The following SPSB4 variants were observed in gnomAD, a reference collection of about 807,000 sequenced individuals.
SPSB4 encodes the protein SPRY domain-containing SOCS box protein 4.
Under a neutral mutation model 20.9 loss-of-function variants are expected in SPSB4, and 21 were observed. The observed-to-expected ratio is 1.01, with a 90% CI of 0.71 to 1.45. The LOEUF (loss-of-function observed/expected upper bound fraction) is 1.45. Ranked by LOEUF, SPSB4 falls within the 40% of genes most tolerant of loss-of-function variation. SPSB4 has a pLI of 0.00. For missense variants in SPSB4, 399 were observed against 399.2 expected (o/e 1.00, Z 0.00); for synonymous variants, 207 against 183.8 (o/e 1.13, Z -1.02).
At chr3:141,070,397 A>G (rs554165986) in intron 2 of SPSB4, among the ~76,000 whole-genome samples, 1 of 152,104 alleles carries the variant, frequency 6.6e-6, no homozygotes, top group African/African-American at 2.4e-5. Flanking sequence ...CGGTTGTGCA[A>G]TCATTGCTCA....
At chr3:141,082,262 G>A (rs984103451) in intron 2 of SPSB4, among the ~76,000 whole-genome samples, 3 of 152,240 alleles carry the variant, frequency 2.0e-5, no homozygotes, top group African/African-American at 7.2e-5. Flanking sequence ...GGCTTTGCCA[G>A]GTCTCCCAGG....
At chr3:141,056,058 G>T (rs929723675) in intron 1 of SPSB4, among the ~76,000 whole-genome samples, 1 of 152,252 alleles carries the variant, frequency 6.6e-6, no homozygotes, top group East Asian at 1.9e-4. Context: ...GGACTTGGGG[G>T]TGCCCCATTG....
At chr3:141,101,257 T>C (rs1362089738) in intron 2 of SPSB4, among the ~76,000 whole-genome samples, 2 of 152,196 alleles carry the variant, frequency 1.3e-5, no homozygotes, top group Non-Finnish European at 2.9e-5. Flanking sequence ...TTTAGTGACC[T>C]GGCCAGAGTG....
intron 2 of SPSB4, among the ~76,000 whole-genome samples, chr3:141,089,659 G>A (rs896649541): frequency 2.6e-5 from 4 of 152,130 alleles, no homozygotes; most frequent in Admixed American, 6.5e-5. Context: ...TCAGATTTTC[G>A]CAGCCAGGCC....
chr3:141,064,797 G>A (rs1261232121), intron 1 of SPSB4, among the ~76,000 whole-genome samples: 1 of 152,220 alleles, frequency 6.6e-6, no homozygotes, highest in African/African-American at 2.4e-5. Flanking sequence ...CATACCCAGG[G>A]CCCGTCCAAG....
intron 2 of SPSB4, among the ~76,000 whole-genome samples, chr3:141,105,777 T>C (rs1311165811): frequency 6.6e-6 from 1 of 152,232 alleles, no homozygotes; most frequent in Non-Finnish European, 1.5e-5. Context: ...TTCTTTGCCT[T>C]CAAAGTTATA....
At position 141,066,056 on chromosome 3, in the gene SPSB4, T is replaced by C. The variant is rs999114930; in HGVS notation, c.-49T>C. The stretch of plus-strand genomic sequence containing the variant: ...ATTCCTGGCTACGGGGAGTGGAGGC[T>C]CCCACGAGGTAGCGGTGGCCTGCAG... On this transcript the variant is annotated 5_prime_UTR_variant, in exon 2 of 3. Coordinates refer to ENST00000310546, the MANE Select transcript of SPSB4 (RefSeq NM_080862.3). The C allele has an allele frequency of 1.7e-5, 24 of 1,429,792 alleles. No homozygotes were observed. Among genetic ancestry groups the C allele is most frequent in the Non-Finnish European group, 1.8e-5 (20 of 1,095,680 alleles). 88.6% of individuals were successfully genotyped at this position (1,429,792 alleles called of 1,614,324 possible). A position where few individuals can be genotyped will look rare whatever the true frequency, so the allele number is the denominator to read the frequency against.
In SPSB4 at chr3:141,066,638, C is replaced by G. The variant is rs557176968; in HGVS notation, c.534C>G (p.Leu178=). 1.9e-6 allele frequency: 3 copies of G among 1,611,292 alleles called. No homozygotes were observed. Among genetic ancestry groups the G allele is most frequent in the Non-Finnish European group, 2.5e-6 (3 of 1,178,736 alleles). The part of the protein sequence containing the change: ...DEAFALPDSL[L]VVLDMDEGTL... ...CCTTTGCGCTGCCCGACTCGCTGCT[C>G]GTGGTGCTGGACATGGATGAGGGCA... The change falls in exon 2 of 3, where the codon CTC becomes CTG. Residue 178 remains leucine, a synonymous_variant. Coordinates refer to ENST00000310546, the MANE Select transcript of SPSB4 (RefSeq NM_080862.3).
chr3:141,099,620 A>G (rs1938588330), intron 2 of SPSB4, among the ~76,000 whole-genome samples: 1 of 152,212 alleles, frequency 6.6e-6, no homozygotes, highest in South Asian at 2.1e-4. Context: ...TTCTTTGTTA[A>G]CCAAAGTGTA....
intron 2 of SPSB4, among the ~76,000 whole-genome samples, chr3:141,089,565 T>C (rs1041691318): frequency 4.0e-5 from 6 of 151,572 alleles, no homozygotes; most frequent in African/African-American, 1.5e-4. Flanking sequence ...AGGAGATGAG[T>C]GTGGGGCAGG....
Position 141,066,750 on chromosome 3 carries a change from G to A in SPSB4, c.646G>A (p.Val216Met), listed in dbSNP as rs753581880. The A allele has an allele frequency of 5.7e-6, 9 of 1,591,592 alleles. No individual in the cohort carries two copies. The highest frequency in any genetic ancestry group is 4.3e-6 in the Non-Finnish European group (5 of 1,167,862). The change falls in exon 2 of 3, where the codon GTG becomes ATG. Residue 216 changes from valine to methionine, a missense_variant. Val to Met is a conservative substitution (Grantham distance 21). Transcript: ENST00000310546. ...GAAGCTGTACCCGGTGGTGAGTGCCGTGTGGGGCCACTGTGAAGTCACCAT... is the reference window on the plus strand; with the variant it reads ...GAAGCTGTACCCGGTGGTGAGTGCCATGTGGGGCCACTGTGAAGTCACCAT... Reference protein sequence around the residue: ...GKKLYPVVSAVWGHCEVTMRY... With the variant: ...GKKLYPVVSAMWGHCEVTMRY...
intron 2 of SPSB4, among the ~76,000 whole-genome samples, chr3:141,070,742 A>G (rs1330914216): frequency 6.6e-6 from 1 of 152,224 alleles, no homozygotes; most frequent in Admixed American, 6.5e-5. Context: ...TATCTATATT[A>G]TCATCTTCAG....
chr3:141,114,385 C>T (rs185744532), intron 2 of SPSB4, among the ~76,000 whole-genome samples: 23 of 152,342 alleles, frequency 1.5e-4, no homozygotes, highest in Admixed American at 9.8e-4. Context: ...AGCTTTGGAA[C>T]TAACTCCTAT....
chr3:141,056,370 G>C (rs1229363889), intron 1 of SPSB4, among the ~76,000 whole-genome samples: 1 of 152,046 alleles, frequency 6.6e-6, no homozygotes, highest in Non-Finnish European at 1.5e-5. Flanking sequence ...AGATTCCTGG[G>C]GCTGGAGCAG....
chr3:141,115,127 G>A (rs1319584080), intron 2 of SPSB4: 3 of 152,246 alleles, frequency 2.0e-5, no homozygotes, highest in African/African-American at 7.2e-5. Flanking sequence ...ACTAAATGGG[G>A]TTTAAAAGCA....
intron 2 of SPSB4, among the ~76,000 whole-genome samples, chr3:141,108,124 G>C (rs1938729060): frequency 6.6e-6 from 1 of 152,054 alleles, no homozygotes; most frequent in African/African-American, 2.4e-5. Flanking sequence ...GCGAGGGTCA[G>C]AGTCTTACTG....
At chr3:141,100,517 A>T (rs541311969) in intron 2 of SPSB4, among the ~76,000 whole-genome samples, 1 of 152,206 alleles carries the variant, frequency 6.6e-6, no homozygotes, top group East Asian at 1.9e-4. Context: ...TCTCTCTCAC[A>T]CTCCTCAGAA....
chr3:141,093,150 T>G (rs535406271), intron 2 of SPSB4, among the ~76,000 whole-genome samples: 1 of 152,142 alleles, frequency 6.6e-6, no homozygotes, highest in South Asian at 2.1e-4. Context: ...GCTGCAGGGA[T>G]GTGGGAACAT....
At chr3:141,083,776 C>A (rs73868996) in intron 2 of SPSB4, among the ~76,000 whole-genome samples, 1 of 152,082 alleles carries the variant, frequency 6.6e-6, no homozygotes, top group East Asian at 1.9e-4. Flanking sequence ...AGCACATTTG[C>A]GGTGGTGAAG....
Sources: gnomAD v4.1 joint callset for allele counts (sites outside exome capture counted in the v4.1 genomes callset) on GRCh38, gnomAD v4.1.1 for gene constraint, MANE v1.5 for transcripts, NCBI Gene and HGNC (gene_info 2026-07-23, HGNC 2026-07-21) for gene names.